EPHA6: variants seen among roughly 807,000 people sequenced by gnomAD.
EPHA6 encodes the protein EPH receptor A6.
EPHA6 carries 50 observed loss-of-function variants against 112.0 expected under a neutral mutation model. The ratio of observed to expected loss-of-function variants is 0.45; its 90% confidence interval spans 0.36 to 0.56. The LOEUF (loss-of-function observed/expected upper bound fraction) is 0.56. Among genes scored for constraint, EPHA6 ranks in the 20% least tolerant of loss-of-function variants. The probability of loss-of-function intolerance (pLI) is 0.00; values close to 1 mark genes in which losing one functional copy is unlikely to be tolerated. For missense variants in EPHA6, 1,280 were observed against 1,417.4 expected, an observed-to-expected ratio of 0.90 and a Z score of 1.56; for synonymous variants, 529 against 490.7, an observed-to-expected ratio of 1.08 and a Z score of -1.03.
At chr3:97,729,450 A>G (rs907223098) in intron 15 of EPHA6, among the ~76,000 whole-genome samples, 2 of 152,124 alleles carry the variant, frequency 1.3e-5, no homozygotes, top group African/African-American at 4.8e-5. Context: ...AGGCAAGAGA[A>G]TATGTGCAGG....
chr3:97,509,652 C>G (rs954275257), intron 10 of EPHA6, among the ~76,000 whole-genome samples: 3 of 152,016 alleles, frequency 2.0e-5, no homozygotes, highest in Non-Finnish European at 4.4e-5. Context: ...GTGAATCTGA[C>G]GATTATGTGT....
At chr3:97,725,702 C>CT (rs2034733081) in intron 15 of EPHA6, among the ~76,000 whole-genome samples, 1 of 152,060 alleles carries the variant, frequency 6.6e-6, no homozygotes, top group African/African-American at 2.4e-5. Flanking sequence ...ATGTTACATG[C>CT]TTTGCAGCAC....
At chr3:97,742,939 G>A (rs968294575) in intron 16 of EPHA6, among the ~76,000 whole-genome samples, 2 of 152,060 alleles carry the variant, frequency 1.3e-5, no homozygotes, top group Non-Finnish European at 2.9e-5. Context: ...GTCACGAGAT[G>A]AGGAACTCAT....
intron 14 of EPHA6, among the ~76,000 whole-genome samples, chr3:97,683,072 C>T (rs1298485940): frequency 6.6e-6 from 1 of 152,056 alleles, no homozygotes; most frequent in Non-Finnish European, 1.5e-5. Flanking sequence ...TTGTATGTAC[C>T]TGCATTTGTC....
At chr3:96,998,543 G>C (rs916454242) in intron 3 of EPHA6, among the ~76,000 whole-genome samples, 3 of 151,810 alleles carry the variant, frequency 2.0e-5, no homozygotes, top group African/African-American at 7.2e-5. Flanking sequence ...ACAAGATGAT[G>C]ATGATTTTTC....
At chr3:97,525,258 G>A (rs779344232) in intron 10 of EPHA6, among the ~76,000 whole-genome samples, 4 of 151,182 alleles carry the variant, frequency 2.6e-5, no homozygotes, top group African/African-American at 4.9e-5. Flanking sequence ...TAATTTTTTT[G>A]CATGATTGCC....
intron 3 of EPHA6, among the ~76,000 whole-genome samples, chr3:97,132,995 A>C (rs932229842): frequency 1.3e-5 from 2 of 152,088 alleles, no homozygotes; most frequent in Non-Finnish European, 2.9e-5. Context: ...AGTGCTAAAA[A>C]ATGTCGTATG....
chr3:97,211,586 C>G (rs1016863181), intron 3 of EPHA6, among the ~76,000 whole-genome samples: 1 of 152,144 alleles, frequency 6.6e-6, no homozygotes, highest in African/African-American at 2.4e-5. Flanking sequence ...GCAGAGAGGT[C>G]TGGTTTCTTC....
intron 5 of EPHA6, among the ~76,000 whole-genome samples, chr3:97,313,145 C>T (rs910934725): frequency 6.6e-6 from 1 of 151,598 alleles, no homozygotes; most frequent in African/African-American, 2.4e-5. Flanking sequence ...TTACATTTTA[C>T]ATATAAGTGA....
intron 3 of EPHA6, among the ~76,000 whole-genome samples, chr3:96,992,897 A>T (rs979769417): frequency 1.3e-5 from 2 of 152,124 alleles, no homozygotes; most frequent in African/African-American, 4.8e-5. Context: ...CAAAGTTATT[A>T]TCACTCTCCT....
intron 3 of EPHA6, among the ~76,000 whole-genome samples, chr3:97,196,216 C>T (rs186585191): frequency 2.1e-4 from 32 of 151,652 alleles, no homozygotes; most frequent in Admixed American, 9.9e-4. Flanking sequence ...AATAGTCTGC[C>T]TTCAAGCTTA....
intron 3 of EPHA6, among the ~76,000 whole-genome samples, chr3:97,016,743 T>G (rs2044279388): frequency 6.6e-6 from 1 of 152,202 alleles, no homozygotes; most frequent in South Asian, 2.1e-4. Flanking sequence ...AGCCAATAAC[T>G]ATGGCTCTAT....
At chr3:96,863,004 A>C (rs1487504708) in intron 1 of EPHA6, among the ~76,000 whole-genome samples, 1 of 152,036 alleles carries the variant, frequency 6.6e-6, no homozygotes, top group African/African-American at 2.4e-5. Flanking sequence ...ATGCAGTTAC[A>C]CAGACACATT....
chr3:97,362,645 G>C (rs1232826465), intron 5 of EPHA6, among the ~76,000 whole-genome samples: 1 of 151,838 alleles, frequency 6.6e-6, no homozygotes, highest in African/African-American at 2.4e-5. Flanking sequence ...GGTATACTTT[G>C]TTTCATGCTA....
intron 14 of EPHA6, among the ~76,000 whole-genome samples, chr3:97,680,079 T>A (rs2031735854): frequency 1.3e-5 from 2 of 152,196 alleles, no homozygotes; most frequent in African/African-American, 4.8e-5. Flanking sequence ...CTTTGAGGTC[T>A]TATAGAGTTT....
chr3:97,283,748 G>A (rs1255638897), intron 5 of EPHA6, among the ~76,000 whole-genome samples: 1 of 151,996 alleles, frequency 6.6e-6, no homozygotes, highest in African/African-American at 2.4e-5. Context: ...CGTTCTGCAC[G>A]TGTATCTCAT....
chr3:97,451,211 C>T (rs576599652), intron 7 of EPHA6, among the ~76,000 whole-genome samples: 204 of 151,964 alleles, frequency 1.3e-3, no homozygotes, highest in Non-Finnish European at 2.6e-3. Context: ...TTGGTGAATT[C>T]GAATCCTGGA....
chr3:97,422,602 C>T (rs1432750131), intron 6 of EPHA6, among the ~76,000 whole-genome samples: 3 of 152,160 alleles, frequency 2.0e-5, no homozygotes, highest in African/African-American at 4.8e-5. Flanking sequence ...CAGGTATCTA[C>T]AGAGCATCCA....
At chr3:97,734,970 G>A (rs576855363) in intron 15 of EPHA6, among the ~76,000 whole-genome samples, 20 of 151,916 alleles carry the variant, frequency 1.3e-4, no homozygotes, top group Non-Finnish European at 2.9e-4. Context: ...GCCTTATCTT[G>A]TGATTTCCTT....
Sources: gnomAD v4.1 joint callset for allele counts (sites outside exome capture counted in the v4.1 genomes callset) on GRCh38, gnomAD v4.1.1 for gene constraint, MANE v1.5 for transcripts, NCBI Gene and HGNC (gene_info 2026-07-23, HGNC 2026-07-21) for gene names.